LMTK3: variants seen among roughly 807,000 people sequenced by gnomAD.
The protein encoded by LMTK3 is lemur tail kinase 3, also known as serine/threonine-protein kinase LMTK3.
Under a neutral mutation model 116.7 loss-of-function variants are expected in LMTK3, and 27 were observed. The observed-to-expected ratio is 0.23, with a 90% CI of 0.17 to 0.32. LMTK3 has a LOEUF of 0.32. Ranked by LOEUF, LMTK3 falls within the 10% of genes least tolerant of loss-of-function variation. LMTK3 has a pLI of 1.00. For synonymous variants in LMTK3, 965 were observed against 971.0 expected (o/e 0.99, Z 0.11); for missense variants, 1,764 against 2,068.5 (o/e 0.85, Z 2.86).
chr19:48,504,982 C>T (rs1972538693), intron 5 of LMTK3, among the ~76,000 whole-genome samples: 2 of 152,018 alleles, frequency 1.3e-5, no homozygotes, highest in Admixed American at 1.3e-4. Flanking sequence ...CTGACTTCTC[C>T]AAGTCAACCC....
At position 48,499,161 on chromosome 19, in the gene LMTK3, C is replaced by A. The variant is rs1292433513; in HGVS notation, c.1908G>T (p.Pro636=). 1.3e-6 allele frequency: 2 copies of A among 1,512,890 alleles called. No individual in the cohort carries two copies. The highest frequency in any genetic ancestry group is 8.8e-7 in the Non-Finnish European group (1 of 1,130,308). The allele number at this position is 1,512,890 out of a possible 1,614,324, so 93.7% of individuals were successfully genotyped here. A position where few individuals can be genotyped will look rare whatever the true frequency, so the allele number is the denominator to read the frequency against. The change falls in exon 11 of 15, where the codon CCG becomes CCT. Residue 636 remains proline, a synonymous_variant. Transcript: ENST00000600059. The part of the protein sequence containing the change: ...AEVLGERGTA[P]WVEEEEEEEE... ...CCTCCTCCTCTTCTTCTTCCACCCA[C>A]GGGGCGGTCCCCCGCTCCCCCAAGA... is the stretch of plus-strand genomic sequence containing the variant.
At chr19:48,495,498 C>T (rs1366346261) in intron 11 of LMTK3, among the ~76,000 whole-genome samples, 2 of 152,212 alleles carry the variant, frequency 1.3e-5, no homozygotes, top group Admixed American at 6.5e-5. Flanking sequence ...GATCCTCTGA[C>T]GCATCTTAGC....
At position 48,508,974 on chromosome 19, in the gene LMTK3, T is replaced by G. The variant is rs759053291; in HGVS notation, c.439-5A>C. ...GAAAATCTCTCCCAGGATCACCTGG[T>G]CAAGGGGCACCCAGGAGTCAGCGAG... On this transcript the variant is annotated splice_region_variant and splice_polypyrimidine_tract_variant and intron_variant, in intron 4 of 14. Transcript: ENST00000600059. The G allele has an allele frequency of 1.9e-6, 3 of 1,588,956 alleles. No homozygotes were observed. The highest frequency in any genetic ancestry group is 2.6e-6 in the Non-Finnish European group (3 of 1,163,490).
intron 5 of LMTK3, 22 bp downstream of exon 5, chr19:48,508,829 C>CTTGTTGAGAA: frequency 1.3e-6 from 2 of 1,550,828 alleles, no homozygotes; most frequent in Non-Finnish European, 1.8e-6. Context: ...AAGGCACACA[C>CTTGTTGAGAA]CCACTGAGAA....
intron 14 of LMTK3, among the ~76,000 whole-genome samples, chr19:48,487,332 C>T (rs1972143961): frequency 6.6e-6 from 1 of 152,110 alleles, no homozygotes; most frequent in Non-Finnish European, 1.5e-5. Flanking sequence ...GCGCCCAGCC[C>T]ACCTGGCTAA....
At position 48,493,981 on chromosome 19, in the gene LMTK3, C is replaced by T; in HGVS notation, c.3805G>A (p.Gly1269Arg). 1.9e-6 allele frequency: 2 copies of T among 1,055,578 alleles called. No homozygotes were observed. The highest frequency in any genetic ancestry group is 2.3e-6 in the Non-Finnish European group (2 of 879,104). 65.4% of individuals were successfully genotyped at this position (1,055,578 alleles called of 1,614,324 possible). Residue 1269 changes from glycine (G) to arginine (R), a missense_variant, in exon 12 of 15, where the codon GGA (glycine) becomes AGA (arginine). Gly to Arg is a moderately radical substitution (Grantham distance 125). Coordinates refer to ENST00000600059, the MANE Select transcript of LMTK3 (RefSeq NM_001388485.1). ...GAAGGEAGGA[G>R]APGPAEEDGE... Reference sequence around the variant, plus strand: ...TCCTCCTCCGCCGGCCCCGGCGCTCCCGCCCCGCCGGCCTCCCCGCCAGCC... The same window carrying T: ...TCCTCCTCCGCCGGCCCCGGCGCTCTCGCCCCGCCGGCCTCCCCGCCAGCC...
intron 5 of LMTK3, among the ~76,000 whole-genome samples, chr19:48,506,897 C>T (rs1972580338): frequency 6.6e-6 from 1 of 152,202 alleles, no homozygotes; most frequent in South Asian, 2.1e-4. Flanking sequence ...AACTCCTGAC[C>T]TCATGATCTG....
chr19:48,510,431 C>A, intron 2 of LMTK3, 28 bp downstream of exon 2: 1 of 1,583,030 alleles, frequency 6.3e-7, no homozygotes, highest in Non-Finnish European at 8.6e-7. Flanking sequence ...GTCTTCCTCC[C>A]CAAGTTGAAT....
intron 14 of LMTK3, among the ~76,000 whole-genome samples, chr19:48,490,112 A>G (rs1362676946): frequency 6.6e-6 from 1 of 152,224 alleles, no homozygotes; most frequent in East Asian, 1.9e-4. Flanking sequence ...AACGCCAGGA[A>G]AGAAACCTGA....
In LMTK3 at chr19:48,494,093, G is replaced by A. The variant is rs1302961181; in HGVS notation, c.3693C>T (p.Leu1231=). 3.3e-6 allele frequency: 4 copies of A among 1,197,820 alleles called. No homozygotes were observed. The African/African-American group carries it at 6.3e-5, about 19-fold the overall frequency. 74.2% of individuals were successfully genotyped at this position (1,197,820 alleles called of 1,614,324 possible). ...SEQIKARLSR[L]SLALPPLTLT... ...GCGTGAGCGGCGGCAGCGCCAGCGA[G>A]AGCCGGGAGAGCCTGGCTGCGAGGG... The change falls in exon 12 of 15, where the codon CTC becomes CTT. Residue 1231 remains leucine, a synonymous_variant. Coordinates refer to ENST00000600059, the MANE Select transcript of LMTK3 (RefSeq NM_001388485.1). The surrounding 1 kb of genome is among the most constrained non-coding windows in gnomAD (Gnocchi z 4.0).
intron 5 of LMTK3, among the ~76,000 whole-genome samples, chr19:48,508,000 CA>C (rs1306683134): frequency 3.3e-5 from 5 of 152,044 alleles, no homozygotes; most frequent in Admixed American, 3.3e-4. Flanking sequence ...GAAGGGGCCC[CA>C]TCCACACCTG....
rs1219116351 is a variant in LMTK3 at position 48,499,830 on chromosome 19, G to A, written c.1239C>T (p.Ser413=). The A allele has an allele frequency of 1.8e-5, 28 of 1,576,452 alleles. No homozygotes were observed. Among genetic ancestry groups the A allele is most frequent in the Non-Finnish European group, 2.2e-5 (26 of 1,163,300 alleles). The stretch of plus-strand genomic sequence containing the variant: ...GCGGTGGGGGCCGGGGAGGCCGCTC[G>A]GAGAGCAAGTAGGTGAGCTGCAATT... ...DLQLQLTYLL[S]ERPPRPPPPP... The change falls in exon 11 of 15, where the codon TCC becomes TCT. Residue 413 remains serine, a synonymous_variant. Transcript: ENST00000600059.
chr19:48,500,364 C>G lies in LMTK3; in HGVS notation c.1152-447G>C, dbSNP rs1413052476. 6.6e-6 allele frequency among the ~76,000 whole-genome samples: 1 copy of G among 151,688 alleles called. No homozygotes were observed. The highest frequency in any genetic ancestry group is 2.4e-5 in the African/African-American group (1 of 41,236). On this transcript the variant is annotated intron_variant, in intron 10 of 14. Transcript: ENST00000600059. The surrounding 1 kb of genome is among the most constrained non-coding windows in gnomAD (Gnocchi z 4.0). ...GCTTGAACCCGGGAGGCGGAGGTTG[C>G]AGTGAGCCAAGATCGTGCCATCGCA...
intron 12 of LMTK3, among the ~76,000 whole-genome samples, chr19:48,492,723 C>A (rs1171694702): frequency 2.0e-5 from 3 of 152,110 alleles, no homozygotes; most frequent in African/African-American, 4.8e-5. Flanking sequence ...TAGGCCCCTT[C>A]ACCATCCAGG....
chr19:48,507,786 G>A (rs1004778511), intron 5 of LMTK3, among the ~76,000 whole-genome samples: 3 of 152,176 alleles, frequency 2.0e-5, no homozygotes, highest in African/African-American at 7.2e-5. Flanking sequence ...TAGCTTAAAT[G>A]TAATAGGCAT....
rs1161290705 is a variant in LMTK3, at chr19:48,511,557, A to G, written c.20T>C (p.Leu7Pro). The stretch of plus-strand genomic sequence containing the variant: ...GGCGGAGACGGCCGCAAGGAGGATG[A>G]GGGCGCCGGGGGCAGGCATCTTGTC... Reference protein sequence around the residue: MPAPGALILLAAVSASG... With the variant: MPAPGAPILLAAVSASG... The change falls in exon 1 of 15, where the codon CTC becomes CCC. Residue 7 changes from leucine (L) to proline (P), a missense_variant. By Grantham distance (98) the Leu-to-Pro change is moderately conservative. Around this residue, in one of 7 missense-constraint regions of LMTK3, gnomAD observed 66 missense variants for 61.1 expected, o/e 1.08. Transcript: ENST00000600059. 1.5e-6 allele frequency: 2 copies of G among 1,335,814 alleles called. No homozygotes were observed. The highest frequency in any genetic ancestry group is 2.0e-6 in the Non-Finnish European group (2 of 1,022,182). 82.7% of individuals were successfully genotyped at this position (1,335,814 alleles called of 1,614,324 possible).
At chr19:48,486,047 C>CTTTTTTTTT (rs141193575) in intron 14 of LMTK3, among the ~76,000 whole-genome samples, 3 of 59,712 alleles carry the variant, frequency 5.0e-5, no homozygotes, top group Non-Finnish European at 8.8e-5. Context: ...AACATTCTTC[C>CTTTTTTTTT]TTTTTTTTTT....
At position 48,499,557 on chromosome 19, in the gene LMTK3, C is replaced by A. The variant is rs963858249; in HGVS notation, c.1512G>T (p.Pro504=). The A allele has an allele frequency of 7.5e-4, 498 of 664,302 alleles. 3 individuals are homozygous for A. The Middle Eastern group carries it at 8.1e-3, about 11-fold the overall frequency. The allele number at this position is 664,302 out of a possible 1,614,324, so 41.2% of individuals were successfully genotyped here. A position where few individuals can be genotyped will look rare whatever the true frequency, so the allele number is the denominator to read the frequency against. The part of the protein sequence containing the change: ...APAWQPASAP[P]APHANPSNPF... ...GGTTGGAGGGGTTGGCGTGGGGGGC[C>A]GGGGGGGCCGACGCCGGCTGCCAGG... The change falls in exon 11 of 15, where the codon CCG becomes CCT. Residue 504 remains proline (P), a synonymous_variant. Transcript: ENST00000600059.
rs1217835747 is a variant in LMTK3 at position 48,498,330 on chromosome 19, C to G, written c.2739G>C (p.Gly913=). Residue 913 remains glycine, a synonymous_variant, in exon 11 of 15, where the codon GGG becomes GGC. Coordinates refer to ENST00000600059, the MANE Select transcript of LMTK3 (RefSeq NM_001388485.1). The stretch of plus-strand genomic sequence containing the variant: ...GGAGGCTCAGGCTTGGGGCTTGTTT[C>G]CCGTTGCCCAGGACTGTCGGGTCCC... ...LNRDPTVLGN[G]KQAPSLSLPV... The G allele has an allele frequency of 6.2e-7, 1 of 1,613,256 alleles. No homozygotes were observed. Among genetic ancestry groups the G allele is most frequent in the East Asian group, 2.2e-5 (1 of 44,846 alleles).
Sources: allele counts gnomAD v4.1 joint callset (sites outside exome capture counted in the v4.1 genomes callset), GRCh38; gene constraint gnomAD v4.1.1; regional missense constraint gnomAD v4.1.1; non-coding constraint Gnocchi (gnomAD v3.1); transcripts MANE v1.5; gene names NCBI Gene and HGNC (gene_info 2026-07-23, HGNC 2026-07-21).